KCTD9: variants seen among roughly 807,000 people sequenced by gnomAD.
KCTD9 encodes the protein potassium channel tetramerization domain containing 9.
A neutral mutation model predicts 53.3 loss-of-function variants in KCTD9; 17 were observed. That is an observed-to-expected ratio of 0.32 (90% CI 0.22 to 0.48). The LOEUF (loss-of-function observed/expected upper bound fraction) is 0.48. Ranked by LOEUF, KCTD9 falls within the 20% of genes least tolerant of loss-of-function variation. The pLI, the probability that KCTD9 is intolerant of heterozygous loss-of-function variation, is 0.99. For missense variants in KCTD9, 179 were observed against 465.5 expected (o/e 0.38, Z 5.66); for synonymous variants, 128 against 162.7 (o/e 0.79, Z 1.62).
At chr8:25,431,306 T>C (rs543553198) in intron 11 of KCTD9, among the ~76,000 whole-genome samples, 1 of 152,322 alleles carries the variant, frequency 6.6e-6, no homozygotes, top group South Asian at 2.1e-4. Flanking sequence ...GGAACTGCCC[T>C]TCTTTTTAAA....
intron 3 of KCTD9, among the ~76,000 whole-genome samples, chr8:25,442,735 G>A (rs190728202): frequency 1.3e-4 from 20 of 152,252 alleles, no homozygotes; most frequent in African/African-American, 1.7e-4. Flanking sequence ...TATATGTTCC[G>A]ACAATTCAGA....
intron 6 of KCTD9, among the ~76,000 whole-genome samples, chr8:25,437,847 CAAAAAAAA>C (rs59540797): frequency 1.1e-4 from 7 of 62,544 alleles, no homozygotes; most frequent in African/African-American, 2.8e-4. Flanking sequence ...GACCCTGTCT[CAAAAAAAA>C]AAAAAAAAAA....
At chr8:25,440,737 G>A (rs1802106811) in intron 3 of KCTD9, 64 bp from the exon 4 acceptor site, 2 of 1,170,280 alleles carry the variant, frequency 1.7e-6, no homozygotes, top group Non-Finnish European at 2.6e-6. Flanking sequence ...AGATGGTAAT[G>A]GCATAATTTT....
chr8:25,452,206 T>C (rs886994033), intron 1 of KCTD9, among the ~76,000 whole-genome samples: 1 of 151,968 alleles, frequency 6.6e-6, no homozygotes, highest in African/African-American at 2.4e-5. Flanking sequence ...CTTTAAAAGA[T>C]GAGATAATTT....
intron 1 of KCTD9, among the ~76,000 whole-genome samples, chr8:25,456,534 T>C (rs1018346023): frequency 6.6e-6 from 1 of 152,202 alleles, no homozygotes; most frequent in African/African-American, 2.4e-5. Flanking sequence ...CTTCTTTTTA[T>C]CTAGTACTCT....
At chr8:25,431,493 G>A (rs776513263) in intron 11 of KCTD9, among the ~76,000 whole-genome samples, 1 of 152,112 alleles carries the variant, frequency 6.6e-6, no homozygotes. Context: ...GTGACTAAAC[G>A]TAACCTGTTA....
intron 11 of KCTD9, among the ~76,000 whole-genome samples, chr8:25,430,808 TACACACACACACACACACACAC>T (rs139075991): frequency 6.9e-6 from 1 of 145,470 alleles, no homozygotes; most frequent in Admixed American, 6.9e-5. Context: ...ACATAATAAA[TACACACACACACACACACACAC>T]ACACACACAC....
intron 9 of KCTD9, among the ~76,000 whole-genome samples, chr8:25,433,699 T>C (rs1384544543): frequency 1.3e-5 from 2 of 152,172 alleles, no homozygotes; most frequent in Non-Finnish European, 2.9e-5. Context: ...ACATGAAACA[T>C]AACGGTTTAG....
At position 25,430,860 on chromosome 8, in the gene KCTD9, G is replaced by A. The variant is rs527888199; in HGVS notation, c.1054-887C>T. Among the ~76,000 whole-genome samples, 7 of 149,058 alleles carry A rather than the reference G, an allele frequency of 4.7e-5. No individual in the cohort carries two copies. The South Asian group carries it at 8.5e-4, about 18-fold the overall frequency. ...ACACACACAATTTTTTTTTTGAAAC[G>A]GAGTTTTGCTCTTGTTGCCCAGGCT... On this transcript the variant is annotated intron_variant, in intron 11 of 11. Coordinates refer to ENST00000221200, the MANE Select transcript of KCTD9 (RefSeq NM_017634.4).
intron 1 of KCTD9, among the ~76,000 whole-genome samples, chr8:25,452,631 G>A (rs569339583): frequency 6.6e-6 from 1 of 152,296 alleles, no homozygotes; most frequent in African/African-American, 2.4e-5. Flanking sequence ...GCATGCTAAA[G>A]TTTGATTAAC....
chr8:25,456,139 C>T lies in KCTD9; in HGVS notation c.48+2060G>A, dbSNP rs534673197. 3.9e-5 allele frequency among the ~76,000 whole-genome samples: 6 copies of T among 152,304 alleles called. No individual in the cohort carries two copies. The South Asian group carries it at 1.2e-3, about 32-fold the overall frequency. On this transcript the variant is annotated intron_variant, in intron 1 of 11. Coordinates refer to ENST00000221200, the MANE Select transcript of KCTD9 (RefSeq NM_017634.4). ...CGCCCTTCCCCAGGCTTCATAGTCT[C>T]ACAGTCTGGTAACTACTAAACAAGC...
rs1802075172 is a variant in KCTD9, at chr8:25,439,294, C to T, written c.484G>A (p.Gly162Ser). ...ATAAACTCACCCAATAAATTAATGC[C>T]ATCATTTACAATGAGCTGTCCATGA... ...LRHGQLIVND[G>S]INLLGVLEEA... Residue 162 changes from glycine to serine, a missense_variant, in exon 6 of 12, where the codon GGC (glycine) becomes AGC (serine). Physicochemically the swap from Gly to Ser is moderately conservative, Grantham distance 56 (BLOSUM62 0). Coordinates refer to ENST00000221200, the MANE Select transcript of KCTD9 (RefSeq NM_017634.4). 1 of 1,594,400 alleles carries T rather than the reference C, an allele frequency of 6.3e-7. No individual in the cohort carries two copies. Among genetic ancestry groups the T allele is most frequent in the Non-Finnish European group, 8.5e-7 (1 of 1,172,134 alleles).
chr8:25,444,623 T>C (rs1266092763), intron 2 of KCTD9, among the ~76,000 whole-genome samples: 1 of 152,200 alleles, frequency 6.6e-6, no homozygotes. Context: ...CAATTGAGAA[T>C]GAATAATTAT....
At chr8:25,430,398 T>G (rs1158951622) in intron 11 of KCTD9, among the ~76,000 whole-genome samples, 1 of 152,076 alleles carries the variant, frequency 6.6e-6, no homozygotes, top group African/African-American at 2.4e-5. Context: ...CAGCCTGAGC[T>G]CCACCTCCTG....
chr8:25,458,203 C>T lies in KCTD9; in HGVS notation c.44G>A (p.Gly15Glu). 7.2e-7 allele frequency: 1 copy of T among 1,389,748 alleles called. No individual in the cohort carries two copies. Among genetic ancestry groups the T allele is most frequent in the Non-Finnish European group, 9.7e-7 (1 of 1,030,694 alleles). The allele number at this position is 1,389,748 out of a possible 1,614,324, so 86.1% of individuals were successfully genotyped here. The change falls in exon 1 of 12, where the codon GGA (glycine) becomes GAA (glutamate). Residue 15 changes from glycine (G) to glutamate (E), a missense_variant. Physicochemically the swap from Gly to Glu is moderately conservative, Grantham distance 98 (BLOSUM62 -2). This residue lies in a region of KCTD9 where 115 missense variants were observed against 250.9 expected (regional missense o/e 0.46). Transcript: ENST00000221200. ...TLFLNGSPKN[G>E]KVVAVYGTLS... is the part of the protein sequence containing the mutation. ...GCCCCCTCACGCCCCCGTTACCTTT[C>T]CGTTCTTGGGGCTGCCGTTCAGGAA...
intron 1 of KCTD9, chr8:25,450,334 T>C (rs1802295331): frequency 1.0e-6 from 1 of 985,386 alleles, no homozygotes; most frequent in East Asian, 1.1e-4. Context: ...AGTACATTCC[T>C]GAGCTGTTCT....
In KCTD9 at chr8:25,436,295, G is replaced by A. The variant is rs1182009280; in HGVS notation, c.603C>T (p.Ser201=). 1.9e-6 allele frequency: 3 copies of A among 1,612,472 alleles called. No individual in the cohort carries two copies. The highest frequency in any genetic ancestry group is 4.5e-5 in the East Asian group (2 of 44,846). The change falls in exon 8 of 12, where the codon TCC becomes TCT. Residue 201 remains serine (S), a synonymous_variant. Transcript: ENST00000221200. ...GCAAAAATCGGACAAATTCCTTTCG[G>A]GATATTGGTGAATGATCCTCCGGTG... ...SQPPEDHSPI[S]RKEFVRFLLA...
chr8:25,440,558 CACAT>C lies in KCTD9; in HGVS notation c.311+15_311+18del. The C allele has an allele frequency of 6.7e-7, 1 of 1,493,076 alleles. No homozygotes were observed. Among genetic ancestry groups the C allele is most frequent in the Non-Finnish European group, 9.3e-7 (1 of 1,070,650 alleles). 92.5% of individuals were successfully genotyped at this position (1,493,076 alleles called of 1,614,324 possible). A position where few individuals can be genotyped will look rare whatever the true frequency, so the allele number is the denominator to read the frequency against. Reference sequence around the variant, plus strand: ...CTTCTTTTGCATTCTCTTTCTAACACACATACACACACACCTACCGTGTAGTTGT... The same window carrying C: ...CTTCTTTTGCATTCTCTTTCTAACACACACACACACCTACCGTGTAGTTGT... On this transcript the variant is annotated intron_variant, in intron 4 of 11. Coordinates refer to ENST00000221200, the MANE Select transcript of KCTD9 (RefSeq NM_017634.4).
chr8:25,452,571 G>C (rs1339296531), intron 1 of KCTD9, among the ~76,000 whole-genome samples: 3 of 152,184 alleles, frequency 2.0e-5, no homozygotes, highest in African/African-American at 7.2e-5. Flanking sequence ...CTTTGGGGAT[G>C]AAGTCCAGCA....
Sources: gnomAD v4.1 joint callset for allele counts (sites outside exome capture counted in the v4.1 genomes callset) on GRCh38, gnomAD v4.1.1 for gene constraint, gnomAD v4.1.1 regional missense constraint, MANE v1.5 for transcripts, NCBI Gene and HGNC (gene_info 2026-07-23, HGNC 2026-07-21) for gene names.